EDNRA: variants seen among roughly 807,000 people sequenced by gnomAD.
The protein encoded by EDNRA is endothelin receptor type A.
A neutral mutation model predicts 41.4 loss-of-function variants in EDNRA; 11 were observed. The ratio of observed to expected loss-of-function variants is 0.27; its 90% CI spans 0.17 to 0.44. EDNRA has a LOEUF of 0.44. Among genes scored for constraint, EDNRA ranks in the 20% least tolerant of loss-of-function variants. The pLI is 1.00. For synonymous variants in EDNRA, 172 were observed against 183.0 expected, an observed-to-expected ratio of 0.94 and a Z score of 0.49; for missense variants, 294 against 531.0, an observed-to-expected ratio of 0.55 and a Z score of 4.39.
chr4:147,507,744 G>A (rs1701670869), intron 2 of EDNRA, among the ~76,000 whole-genome samples: 1 of 152,158 alleles, frequency 6.6e-6, no homozygotes, highest in Non-Finnish European at 1.5e-5. Context: ...CAAAAAAATT[G>A]TGCCATTTCA....
intron 2 of EDNRA, chr4:147,492,780 A>T (rs1432021016): frequency 1.3e-5 from 2 of 152,288 alleles, no homozygotes; most frequent in Admixed American, 1.3e-4. Flanking sequence ...ATGTACATAT[A>T]AAATGACAGA....
At chr4:147,500,981 A>G (rs936560177) in intron 2 of EDNRA, among the ~76,000 whole-genome samples, 1 of 152,222 alleles carries the variant, frequency 6.6e-6, no homozygotes, top group Admixed American at 6.5e-5. Context: ...TTGGCCCTCC[A>G]AACAGGCTGG....
chr4:147,515,296 C>T (rs769739524), intron 2 of EDNRA, among the ~76,000 whole-genome samples: 18 of 152,088 alleles, frequency 1.2e-4, no homozygotes, highest in Admixed American at 1.1e-3. Flanking sequence ...CCCCTAGATG[C>T]GAGTAGCACA....
At position 147,532,501 on chromosome 4, in the gene EDNRA, T is replaced by A. The variant is rs1206684776; in HGVS notation, c.549-5T>A. On this transcript the variant is annotated splice_polypyrimidine_tract_variant and splice_region_variant and intron_variant, in intron 3 of 7. Coordinates refer to ENST00000651419, the MANE Select transcript of EDNRA (RefSeq NM_001957.4). ...ACAACTTGGTTCCATTACCCTTTTT[T>A]TCAGGTACAGAGCAGTTGCCTCCTG... The A allele has an allele frequency of 6.2e-7, 1 of 1,613,870 alleles. No individual in the cohort carries two copies. The highest frequency in any genetic ancestry group is 1.3e-5 in the African/African-American group (1 of 74,906).
At chr4:147,506,694 G>A (rs1469343467) in intron 2 of EDNRA, 2 of 333,484 alleles carry the variant, frequency 6.0e-6, no homozygotes, top group Admixed American at 3.6e-5. Flanking sequence ...GAATGTAAAA[G>A]AGATCCACAA....
At chr4:147,532,411 C>A in intron 3 of EDNRA, 95 bp from the exon 4 acceptor site, 1 of 993,876 alleles carries the variant, frequency 1.0e-6, no homozygotes, top group Non-Finnish European at 1.6e-6. Flanking sequence ...CTGGTATTGG[C>A]AATGAGGAGG....
chr4:147,502,139 G>T (rs1729538327), intron 2 of EDNRA, among the ~76,000 whole-genome samples: 1 of 152,058 alleles, frequency 6.6e-6, no homozygotes, highest in Non-Finnish European at 1.5e-5. Context: ...AACTAATTTT[G>T]GAAACGTATT....
chr4:147,525,278 T>C (rs1467083651), intron 3 of EDNRA, among the ~76,000 whole-genome samples: 1 of 152,238 alleles, frequency 6.6e-6, no homozygotes, highest in African/African-American at 2.4e-5. Context: ...CCAGAATGGA[T>C]AGGCTTTCAT....
intron 2 of EDNRA, among the ~76,000 whole-genome samples, chr4:147,503,967 CA>C (rs1166046101): frequency 3.3e-5 from 5 of 151,762 alleles, no homozygotes; most frequent in African/African-American, 4.8e-5. Flanking sequence ...TTTTCCAAAA[CA>C]AAAAAATTAT....
intron 2 of EDNRA, chr4:147,494,587 A>G (rs2126392478): frequency 6.5e-6 from 1 of 152,842 alleles, no homozygotes; most frequent in East Asian, 1.9e-4. Context: ...AAATGAGATC[A>G]CAAGGATATG....
At chr4:147,494,950 G>T (rs1437181749) in intron 2 of EDNRA, 1 of 152,182 alleles carries the variant, frequency 6.6e-6, no homozygotes, top group Non-Finnish European at 1.5e-5. Flanking sequence ...GAGCCTAGGC[G>T]TTGGCTGCTA....
intron 7 of EDNRA, among the ~76,000 whole-genome samples, chr4:147,540,783 GAGTA>G (rs1448066897): frequency 1.3e-5 from 2 of 152,144 alleles, no homozygotes; most frequent in Non-Finnish European, 1.5e-5. Flanking sequence ...AGGCCACAGA[GAGTA>G]CATAAGACCT....
chr4:147,528,553 T>C (rs1311845367), intron 3 of EDNRA, among the ~76,000 whole-genome samples: 1 of 152,044 alleles, frequency 6.6e-6, no homozygotes, highest in East Asian at 1.9e-4. Context: ...AATTTCACCA[T>C]GTTGCCCAGG....
At chr4:147,492,333 T>G (rs1373784760) in intron 2 of EDNRA, 1 of 152,202 alleles carries the variant, frequency 6.6e-6, no homozygotes, top group East Asian at 1.9e-4. Context: ...TTGCCTCTGT[T>G]AGAATGTTTT....
intron 1 of EDNRA, among the ~76,000 whole-genome samples, chr4:147,482,528 C>A (rs1468823519): frequency 2.6e-5 from 4 of 152,316 alleles, no homozygotes; most frequent in South Asian, 4.1e-4. Context: ...GAGCTACAGA[C>A]CCACCTTGGA....
intron 5 of EDNRA, among the ~76,000 whole-genome samples, chr4:147,537,677 A>G (rs1290335731): frequency 1.3e-5 from 2 of 152,066 alleles, no homozygotes; most frequent in Non-Finnish European, 2.9e-5. Context: ...GTGCATTTCC[A>G]TTTCCATGTC....
At chr4:147,531,185 A>C (rs534360789) in intron 3 of EDNRA, among the ~76,000 whole-genome samples, 1 of 152,272 alleles carries the variant, frequency 6.6e-6, no homozygotes, top group Non-Finnish European at 1.5e-5. Flanking sequence ...TTTTTGATTG[A>C]CATAATCATT....
chr4:147,482,647 A>G (rs959856842), intron 1 of EDNRA, among the ~76,000 whole-genome samples: 2 of 152,154 alleles, frequency 1.3e-5, no homozygotes, highest in Non-Finnish European at 2.9e-5. Flanking sequence ...GCAGCTTAAC[A>G]TGTGTGGAGA....
chr4:147,540,059 A>G (rs1368620932), intron 6 of EDNRA, 109 bp downstream of exon 6: 7 of 1,437,522 alleles, frequency 4.9e-6, no homozygotes, highest in Non-Finnish European at 6.5e-6. Flanking sequence ...GAAAATTAAA[A>G]CTGCAAAGTT....
Sources: gnomAD v4.1 joint callset for allele counts (sites outside exome capture counted in the v4.1 genomes callset) on GRCh38, gnomAD v4.1.1 for gene constraint, MANE v1.5 for transcripts, NCBI Gene and HGNC (gene_info 2026-07-23, HGNC 2026-07-21) for gene names.